CADM2: variants seen among roughly 807,000 people sequenced by gnomAD.
The protein encoded by CADM2 is immunoglobulin superfamily member 4D.
CADM2 carries 12 observed loss-of-function variants against 49.8 expected under a neutral mutation model. The observed-to-expected ratio is 0.24, with a 90% CI of 0.15 to 0.39. The LOEUF (loss-of-function observed/expected upper bound fraction) is 0.39, where lower values mean the gene tolerates loss of function less well. CADM2 is among the 10% of genes least tolerant of loss of function. The pLI is 1.00. For synonymous variants in CADM2, 214 were observed against 175.4 expected (o/e 1.22, Z -1.74); for missense variants, 378 against 492.3 (o/e 0.77, Z 2.20).
chr3:85,788,604 G>A (rs988029476), intron 2 of CADM2, among the ~76,000 whole-genome samples: 2 of 151,688 alleles, frequency 1.3e-5, no homozygotes, highest in East Asian at 1.9e-4. Context: ...TAAAAATAAC[G>A]TCAAAATATA....
chr3:85,635,837 CTG>C (rs1411537064), intron 1 of CADM2, among the ~76,000 whole-genome samples: 2 of 152,078 alleles, frequency 1.3e-5, no homozygotes, highest in African/African-American at 4.8e-5. Flanking sequence ...CAATGATGGA[CTG>C]TGTATACCGG....
At chr3:85,585,522 G>C (rs555503301) in intron 1 of CADM2, among the ~76,000 whole-genome samples, 1 of 151,598 alleles carries the variant, frequency 6.6e-6, no homozygotes, top group African/African-American at 2.4e-5. Context: ...GTTTCATCTC[G>C]AATTCTTTAT....
In CADM2 at chr3:86,069,913, T is replaced by TGCAAGATTAAAGACAGAGC. The variant is rs1471432455; in HGVS notation, c.*3134_*3152dup. ...AGGAGGAAAAAGAAATGTTTGTGAG[T>TGCAAGATTAAAGACAGAGC]GCAAGATTAAAGACAGAGCGCATGA... is the stretch of plus-strand genomic sequence containing the variant. On this transcript the variant is annotated 3_prime_UTR_variant, in exon 10 of 10. Coordinates refer to ENST00000383699, the MANE Select transcript of CADM2 (RefSeq NM_001167675.2). 1 of 151,928 alleles carries TGCAAGATTAAAGACAGAGC rather than the reference T, an allele frequency of 6.6e-6. No homozygotes were observed. The highest frequency in any genetic ancestry group is 2.4e-5 in the African/African-American group (1 of 41,420). 9.4% of individuals were successfully genotyped at this position (151,928 alleles called of 1,614,324 possible).
chr3:85,621,888 G>A (rs935332614), intron 1 of CADM2, among the ~76,000 whole-genome samples: 3 of 152,162 alleles, frequency 2.0e-5, no homozygotes, highest in South Asian at 4.1e-4. Context: ...AAGGTGAAAA[G>A]TGAGTAAACA....
intron 1 of CADM2, among the ~76,000 whole-genome samples, chr3:85,225,962 T>C (rs144930004): frequency 5.9e-5 from 9 of 152,342 alleles, no homozygotes; most frequent in Non-Finnish European, 1.2e-4. Context: ...GACTTCATCG[T>C]GGTGGATAAG....
At chr3:85,150,977 T>C (rs925628242) in intron 1 of CADM2, among the ~76,000 whole-genome samples, 1 of 151,162 alleles carries the variant, frequency 6.6e-6, no homozygotes, top group African/African-American at 2.4e-5. Context: ...AGAACCTTTA[T>C]AGAATGCAAT....
intron 1 of CADM2, among the ~76,000 whole-genome samples, chr3:85,646,751 A>T (rs992248348): frequency 2.6e-5 from 4 of 151,868 alleles, no homozygotes; most frequent in Non-Finnish European, 4.4e-5. Context: ...TTTGACTTAT[A>T]CTTGAAAACT....
At chr3:85,324,997 A>G (rs1170906218) in intron 1 of CADM2, among the ~76,000 whole-genome samples, 1 of 152,226 alleles carries the variant, frequency 6.6e-6, no homozygotes, top group Admixed American at 6.5e-5. Flanking sequence ...GTCTACAAAA[A>G]ATTAAAAATC....
chr3:85,573,330 T>G (rs2062539086), intron 1 of CADM2, among the ~76,000 whole-genome samples: 1 of 152,030 alleles, frequency 6.6e-6, no homozygotes, highest in Admixed American at 6.6e-5. Context: ...GAAGTTAGGA[T>G]TACTGGTGCA....
At chr3:85,514,260 C>T (rs554624093) in intron 1 of CADM2, among the ~76,000 whole-genome samples, 1 of 152,070 alleles carries the variant, frequency 6.6e-6, no homozygotes, top group East Asian at 1.9e-4. Flanking sequence ...AGAATAATAC[C>T]TGGAGACAGA....
intron 1 of CADM2, among the ~76,000 whole-genome samples, chr3:85,328,286 G>C (rs1055372133): frequency 1.3e-5 from 2 of 152,008 alleles, no homozygotes; most frequent in African/African-American, 2.4e-5. Context: ...ACAATAAATA[G>C]GCTTATGACA....
rs933370838 is a variant in CADM2, at chr3:85,226,783, C to G, written c.61+267115C>G. The stretch of plus-strand genomic sequence containing the variant: ...GGCATTTAGTGCTATAAATTTCCCT[C>G]TACACACTGCTTAAATGTGTCCCAG... On this transcript the variant is annotated intron_variant, in intron 1 of 9. Coordinates refer to ENST00000383699, the MANE Select transcript of CADM2 (RefSeq NM_001167675.2). 2.4e-4 allele frequency among the ~76,000 whole-genome samples: 37 copies of G among 152,130 alleles called. 2 individuals carry two copies. The highest frequency in any genetic ancestry group is 1.5e-5 in the Non-Finnish European group (1 of 68,022).
At position 85,961,527 on chromosome 3, in the gene CADM2, G is replaced by T. The variant is rs1194515970; in HGVS notation, c.850G>T (p.Val284Phe). 3 of 1,609,174 alleles carry T rather than the reference G, an allele frequency of 1.9e-6. No individual in the cohort carries two copies. Among genetic ancestry groups the T allele is most frequent in the South Asian group, 1.1e-5 (1 of 90,688 alleles). Residue 284 changes from valine to phenylalanine, a missense_variant, in exon 8 of 10, where the codon GTT becomes TTT. Transcript: ENST00000383699. ...AGAATTACCAGATCCTGACCGAATG[G>T]TTGTGAGTGGTAGGGAGCTAAACAT... The part of the protein sequence containing the change: ...GGELPDPDRM[V>F]VSGRELNILF...
At chr3:85,861,773 A>G (rs1164561845) in intron 3 of CADM2, among the ~76,000 whole-genome samples, 4 of 152,132 alleles carry the variant, frequency 2.6e-5, no homozygotes, top group Non-Finnish European at 5.9e-5. Context: ...GGCCTCATCC[A>G]AATTAAAATA....
intron 6 of CADM2, among the ~76,000 whole-genome samples, chr3:85,925,954 G>T (rs575098534): frequency 7.9e-5 from 12 of 151,806 alleles, no homozygotes; most frequent in Non-Finnish European, 1.5e-4. Flanking sequence ...TGGCTAACAC[G>T]GTGAAACCCC....
intron 3 of CADM2, among the ~76,000 whole-genome samples, chr3:85,873,723 A>G (rs973117788): frequency 2.0e-5 from 3 of 152,178 alleles, no homozygotes; most frequent in Non-Finnish European, 2.9e-5. Flanking sequence ...TTCAAATTCT[A>G]TATAGTAAAT....
intron 1 of CADM2, among the ~76,000 whole-genome samples, chr3:85,403,141 A>G (rs1180150569): frequency 2.0e-5 from 3 of 152,142 alleles, no homozygotes; most frequent in Admixed American, 6.5e-5. Context: ...ATTTTCTTAA[A>G]AATTTAATCT....
chr3:85,446,069 T>C (rs2037436596), intron 1 of CADM2, among the ~76,000 whole-genome samples: 1 of 152,174 alleles, frequency 6.6e-6, no homozygotes, highest in Non-Finnish European at 1.5e-5. Context: ...AATAACTTTT[T>C]CATTCTACCC....
chr3:85,880,800 G>A (rs1712644694), intron 3 of CADM2, among the ~76,000 whole-genome samples: 1 of 152,136 alleles, frequency 6.6e-6, no homozygotes, highest in South Asian at 2.1e-4. Context: ...GACAGGAGGT[G>A]GAGCTCAGGC....
Sources: allele counts gnomAD v4.1 joint callset (sites outside exome capture counted in the v4.1 genomes callset), GRCh38; gene constraint gnomAD v4.1.1; transcripts MANE v1.5; gene names NCBI Gene and HGNC (gene_info 2026-07-23, HGNC 2026-07-21).